The following HAUS8 variants were observed in gnomAD, a reference collection of about 807,000 sequenced individuals.
HAUS8 encodes HAUS augmin-like complex subunit 8.
A neutral mutation model predicts 42.9 loss-of-function variants in HAUS8; 38 were observed. That is an observed-to-expected ratio of 0.89 (90% CI 0.68 to 1.16). The LOEUF (loss-of-function observed/expected upper bound fraction) is 1.16. Among genes scored for constraint, HAUS8 ranks in the 50% most tolerant of loss-of-function variants. The probability of loss-of-function intolerance (pLI) is 0.00; values close to 1 mark genes in which losing one functional copy is unlikely to be tolerated. For missense variants in HAUS8, 494 were observed against 511.6 expected, an observed-to-expected ratio of 0.97 and a Z score of 0.33; for synonymous variants, 199 against 205.8, an observed-to-expected ratio of 0.97 and a Z score of 0.28.
Position 17,059,337 on chromosome 19 carries a change from T to G in HAUS8, c.420+220A>C, listed in dbSNP as rs151218185. 5.8e-3 allele frequency among the ~76,000 whole-genome samples: 884 copies of G among 152,358 alleles called. 8 individuals are homozygous for G. The highest frequency in any genetic ancestry group is 0.02 in the African/African-American group (842 of 41,576). ...CAGAGAAGTCCCCTGTCTCATTTTT[T>G]ACATGGCTCCATATTGGTATCCACT... On this transcript the variant is annotated intron_variant, in intron 6 of 10. Transcript: ENST00000253669.
intron 2 of HAUS8, among the ~76,000 whole-genome samples, chr19:17,069,947 C>T (rs1210991747): frequency 2.6e-5 from 4 of 151,964 alleles, no homozygotes; most frequent in South Asian, 2.1e-4. Flanking sequence ...CCAGATAAAG[C>T]GCCCCCCATT....
In HAUS8 at chr19:17,058,844, A is replaced by C; in HGVS notation, c.453T>G (p.Ser151=). ...ATAGTAGCGTCAGCAGTAGTGTCTGAGACTCCATCATTTCCATTGCTTCAG... is the reference window on the plus strand; with the variant it reads ...ATAGTAGCGTCAGCAGTAGTGTCTGCGACTCCATCATTTCCATTGCTTCAG... ...DLSEAMEMME[S]QTLLLTLLSV... The change falls in exon 7 of 11, where the codon TCT becomes TCG. Residue 151 remains serine, a synonymous_variant. Transcript: ENST00000253669. 1 of 1,613,472 alleles carries C rather than the reference A, an allele frequency of 6.2e-7. No homozygotes were observed. Among genetic ancestry groups the C allele is most frequent in the Non-Finnish European group, 8.5e-7 (1 of 1,179,804 alleles).
rs1405830718 is a variant in HAUS8 at position 17,071,590 on chromosome 19, G to T, written c.91+1684C>A. Reference sequence around the variant, plus strand: ...CCATCCAGCCCGGGTCTTTCTAGTAGCATCAGGAAACAGTTTTGCTCAACA... The same window carrying T: ...CCATCCAGCCCGGGTCTTTCTAGTATCATCAGGAAACAGTTTTGCTCAACA... On this transcript the variant is annotated intron_variant, in intron 2 of 10. Transcript: ENST00000253669. Among the ~76,000 whole-genome samples the T allele has an allele frequency of 9.2e-5, 14 of 152,302 alleles. No homozygotes were observed. In the East Asian group the frequency reaches 2.7e-3, roughly 29 times the overall value.
chr19:17,062,810 C>G (rs765820674), intron 3 of HAUS8, 31 bp from the exon 4 acceptor site: 1 of 1,530,836 alleles, frequency 6.5e-7, no homozygotes, highest in Non-Finnish European at 9.1e-7. Context: ...ACTCAGAGGA[C>G]AAGACATCCT....
In HAUS8 at chr19:17,060,110, C is replaced by T; in HGVS notation, c.230-18G>A. 6.4e-7 allele frequency: 1 copy of T among 1,564,330 alleles called. No homozygotes were observed. The highest frequency in any genetic ancestry group is 8.8e-7 in the Non-Finnish European group (1 of 1,135,508). ...GCTATCTGCTGTTAAGAAAAGAATC[C>T]CCGAAAGTCAGCACAGTCAAGAGAC... On this transcript the variant is annotated intron_variant, in intron 4 of 10. Coordinates refer to ENST00000253669, the MANE Select transcript of HAUS8 (RefSeq NM_033417.2).
At chr19:17,055,780 T>C in intron 9 of HAUS8, 81 bp downstream of exon 9, 1 of 1,439,678 alleles carries the variant, frequency 6.9e-7, no homozygotes, top group Non-Finnish European at 9.4e-7. Context: ...CTTGCGGTGA[T>C]GACATCAGGC....
At chr19:17,069,971 C>G (rs2057411450) in intron 2 of HAUS8, among the ~76,000 whole-genome samples, 1 of 152,054 alleles carries the variant, frequency 6.6e-6, no homozygotes, top group African/African-American at 2.4e-5. Flanking sequence ...GGCGCTAAAG[C>G]CCAGCCCTCA....
intron 3 of HAUS8, among the ~76,000 whole-genome samples, chr19:17,063,900 T>G (rs963336405): frequency 3.3e-5 from 5 of 152,156 alleles, no homozygotes; most frequent in African/African-American, 1.2e-4. Flanking sequence ...GCTCTCCAGT[T>G]TGCAGACAGC....
chr19:17,074,821 G>C (rs997174768), intron 1 of HAUS8: 6 of 152,628 alleles, frequency 3.9e-5, no homozygotes, highest in Admixed American at 2.0e-4. Context: ...GACAAATATA[G>C]CCTCATGATC....
intron 3 of HAUS8, among the ~76,000 whole-genome samples, chr19:17,067,839 A>C (rs2057396137): frequency 6.6e-6 from 1 of 152,232 alleles, no homozygotes; most frequent in Admixed American, 6.5e-5. Context: ...AGATTTGGAA[A>C]GCAGAGGGAA....
At chr19:17,064,901 T>C (rs1399328781) in intron 3 of HAUS8, among the ~76,000 whole-genome samples, 2 of 152,142 alleles carry the variant, frequency 1.3e-5, no homozygotes, top group African/African-American at 2.4e-5. Flanking sequence ...ATTAAAGCAC[T>C]TAACAGCATG....
chr19:17,060,818 C>T (rs1172153272), intron 4 of HAUS8, among the ~76,000 whole-genome samples: 3 of 152,192 alleles, frequency 2.0e-5, no homozygotes, highest in African/African-American at 7.2e-5. Flanking sequence ...CTTACACTGT[C>T]TAAGATGGGC....
intron 9 of HAUS8, chr19:17,055,192 A>ATATATATATATAT (rs1568635000): frequency 1.3e-5 from 1 of 78,556 alleles, no homozygotes; most frequent in African/African-American, 6.1e-5. Flanking sequence ...ATATATATAT[A>ATATATATATATAT]AGCCAGGTGT....
In HAUS8 at chr19:17,058,679, C is replaced by G; in HGVS notation, c.515G>C (p.Arg172Thr). The G allele has an allele frequency of 6.2e-7, 1 of 1,610,082 alleles. No homozygotes were observed. The highest frequency in any genetic ancestry group is 8.5e-7 in the Non-Finnish European group (1 of 1,178,906). ...TATTAATAAATTCTTTTCTGCCCTT[C>G]TTTCAAACTCAGCAAGATTGTTCTC... ...KMENNLAEFE[R>T]RAEKNLLIMC... Residue 172 changes from arginine to threonine, a missense_variant, in exon 8 of 11, where the codon AGA becomes ACA. Coordinates refer to ENST00000253669, the MANE Select transcript of HAUS8 (RefSeq NM_033417.2).
chr19:17,058,956 T>G, intron 6 of HAUS8, 80 bp from the exon 7 acceptor site: 1 of 1,112,396 alleles, frequency 9.0e-7, no homozygotes, highest in Non-Finnish European at 1.3e-6. Flanking sequence ...GGGAGAACTC[T>G]GGCTTGTGTG....
rs889696823 is a variant in HAUS8, at chr19:17,069,078, C to G, written c.100G>C (p.Val34Leu). 1 of 1,613,280 alleles carries G rather than the reference C, an allele frequency of 6.2e-7. No individual in the cohort carries two copies. Among genetic ancestry groups the G allele is most frequent in the Non-Finnish European group, 8.5e-7 (1 of 1,179,606 alleles). ...TACTGCAGATACCGGGACTCAATCA[C>G]TCTTCCACCTGTGGGGACACACTGT... ...KKDKRVQGGR[V>L]IESRYLQYEK... is the part of the protein sequence containing the mutation. The change falls in exon 3 of 11, where the codon GTG (valine) becomes CTG (leucine). Residue 34 changes from valine to leucine, a missense_variant. By Grantham distance (32) the Val-to-Leu change is conservative. Coordinates refer to ENST00000253669, the MANE Select transcript of HAUS8 (RefSeq NM_033417.2).
At chr19:17,061,463 G>C (rs1281610877) in intron 4 of HAUS8, among the ~76,000 whole-genome samples, 5 of 152,096 alleles carry the variant, frequency 3.3e-5, no homozygotes, top group Non-Finnish European at 7.4e-5. Context: ...TATTGTTATT[G>C]CTTTTGCCCT....
intron 8 of HAUS8, among the ~76,000 whole-genome samples, chr19:17,056,816 C>T (rs1224597129): frequency 6.6e-6 from 1 of 151,846 alleles, no homozygotes; most frequent in Non-Finnish European, 1.5e-5. Context: ...GTCTCAAACT[C>T]CTGACCTCAA....
chr19:17,068,832 C>T (rs981727427), intron 3 of HAUS8, among the ~76,000 whole-genome samples, 199 bp downstream of exon 3: 1 of 152,094 alleles, frequency 6.6e-6, no homozygotes, highest in African/African-American at 2.4e-5. Context: ...AAAAGAGATG[C>T]TTATAGCCAT....
Sources: gnomAD v4.1 joint callset for allele counts (sites outside exome capture counted in the v4.1 genomes callset) on GRCh38, gnomAD v4.1.1 for gene constraint, MANE v1.5 for transcripts, NCBI Gene and HGNC (gene_info 2026-07-23, HGNC 2026-07-21) for gene names.